Variants in PATL1 observed in about 807,000 individuals in gnomAD.
PATL1 encodes PAT1 homolog 1, processing body mRNA decay factor.
In PATL1, 32 loss-of-function variants were observed where a neutral mutation model predicts 100.6. The observed-to-expected ratio is 0.32, with a 90% CI of 0.24 to 0.43. The LOEUF is 0.43. PATL1 is among the 20% of genes least tolerant of loss of function. The pLI is 1.00. For synonymous variants in PATL1, 332 were observed against 330.0 expected (o/e 1.01, Z -0.07); for missense variants, 747 against 949.9 (o/e 0.79, Z 2.81).
Position 59,668,875 on chromosome 11 carries a change from G to A in PATL1, c.15+6C>T, listed in dbSNP as rs1418326850. 2.3e-6 allele frequency: 3 copies of A among 1,303,912 alleles called. No homozygotes were observed. The highest frequency in any genetic ancestry group is 3.1e-6 in the Non-Finnish European group (3 of 974,604). 80.8% of individuals were successfully genotyped at this position (1,303,912 alleles called of 1,614,324 possible). A position where few individuals can be genotyped will look rare whatever the true frequency, so the allele number is the denominator to read the frequency against. ...GGAGGGGTCACTTCCGGTCGCAACAGCTCACCTCGTAGCGGAACATTCTTG... is the reference window on the plus strand; with the variant it reads ...GGAGGGGTCACTTCCGGTCGCAACAACTCACCTCGTAGCGGAACATTCTTG... On this transcript the variant is annotated splice_donor_region_variant and intron_variant, in intron 1 of 18. Coordinates refer to ENST00000300146, the MANE Select transcript of PATL1 (RefSeq NM_152716.3).
In PATL1 at chr11:59,654,151, T is replaced by C. The variant is rs1861488027; in HGVS notation, c.1032-79A>G. 5.4e-5 allele frequency: 67 copies of C among 1,231,730 alleles called. 1 individual carries two copies. In the South Asian group the frequency reaches 7.8e-4, roughly 14 times the overall value. The allele number at this position is 1,231,730 out of a possible 1,614,324, so 76.3% of individuals were successfully genotyped here. A position where few individuals can be genotyped will look rare whatever the true frequency, so the allele number is the denominator to read the frequency against. ...TTTAAAGAATGTTGTCAGTAGAGGA[T>C]AACTTCATACAGGTTAACTTAAGGG... On this transcript the variant is annotated intron_variant, in intron 8 of 18. Coordinates refer to ENST00000300146, the MANE Select transcript of PATL1 (RefSeq NM_152716.3).
intron 12 of PATL1, 111 bp from the exon 13 acceptor site, chr11:59,650,924 C>A: frequency 1.3e-6 from 1 of 753,902 alleles, no homozygotes; most frequent in Non-Finnish European, 2.1e-6. Flanking sequence ...ATAATTGATT[C>A]TCTGAAAGTT....
chr11:59,639,315 T>C lies in PATL1; in HGVS notation c.2118A>G (p.Thr706=), dbSNP rs199964202. The C allele has an allele frequency of 8.4e-6, 13 of 1,551,920 alleles. No homozygotes were observed. Among genetic ancestry groups the C allele is most frequent in the Non-Finnish European group, 1.0e-5 (12 of 1,147,274 alleles). The change falls in exon 17 of 19, where the codon ACA becomes ACG. Residue 706 remains threonine (T), a synonymous_variant. Coordinates refer to ENST00000300146, the MANE Select transcript of PATL1 (RefSeq NM_152716.3). ...GEDLQSSDPA[T]ESTQNNQWTE... is the part of the protein sequence containing the mutation. ...ACCACTGATTATTTTGTGTTGATTCTGTAGCAGGGTCTGAACTCTGTAGGT... is the reference window on the plus strand; with the variant it reads ...ACCACTGATTATTTTGTGTTGATTCCGTAGCAGGGTCTGAACTCTGTAGGT...
chr11:59,655,866 A>C, intron 7 of PATL1, 90 bp downstream of exon 7: 1 of 1,339,260 alleles, frequency 7.5e-7, no homozygotes, highest in Non-Finnish European at 1.0e-6. Flanking sequence ...AAATAAAAGT[A>C]GTGATTAACA....
At chr11:59,650,390 G>C (rs1281719713) in intron 13 of PATL1, among the ~76,000 whole-genome samples, 3 of 152,168 alleles carry the variant, frequency 2.0e-5, no homozygotes, top group Admixed American at 6.5e-5. Context: ...ACCCAGAATA[G>C]TGCCCAGTAA....
intron 2 of PATL1, 97 bp from the exon 3 acceptor site, chr11:59,659,566 C>T: frequency 8.4e-7 from 1 of 1,190,304 alleles, no homozygotes; most frequent in Non-Finnish European, 1.2e-6. Context: ...GAGTCTCACT[C>T]TGTCGCCCAG....
intron 1 of PATL1, among the ~76,000 whole-genome samples, chr11:59,668,038 G>GC (rs1395352978): frequency 6.6e-6 from 1 of 152,208 alleles, no homozygotes; most frequent in Non-Finnish European, 1.5e-5. Flanking sequence ...CCAAACTCAT[G>GC]CCAATAGGCA....
rs1945649147 is a variant in PATL1 at position 59,639,124 on chromosome 11, T to C, written c.2215A>G (p.Ile739Val). ...PQAALAKPIS[I>V]PTNLVSLFSR... ...AAGAGGGACACTAGGTTTGTAGGTA[T>C]AGAGATTGGCTTGGCCAGGGCTGCT... The change falls in exon 18 of 19, where the codon ATA becomes GTA. Residue 739 changes from isoleucine (I) to valine (V), a missense_variant. Physicochemically the swap from Ile to Val is conservative, Grantham distance 29 (BLOSUM62 3). This residue lies in a region of PATL1 where 434 missense variants were observed against 596.1 expected (regional missense o/e 0.73). Transcript: ENST00000300146. The C allele has an allele frequency of 3.1e-6, 5 of 1,614,026 alleles. No homozygotes were observed. The highest frequency in any genetic ancestry group is 1.7e-5 in the Admixed American group (1 of 60,024).
chr11:59,668,060 C>T (rs1364418263), intron 1 of PATL1, among the ~76,000 whole-genome samples: 1 of 152,248 alleles, frequency 6.6e-6, no homozygotes. Context: ...GCCACTGCCT[C>T]CTTATCAGAG....
chr11:59,655,802 A>G, intron 7 of PATL1, 62 bp from the exon 8 acceptor site: 1 of 1,464,966 alleles, frequency 6.8e-7, no homozygotes, highest in Non-Finnish European at 9.3e-7. Context: ...TTTTGTCTAC[A>G]GAAAAGTGAA....
At chr11:59,648,335 G>A (rs745545945) in intron 14 of PATL1, among the ~76,000 whole-genome samples, 41 of 150,894 alleles carry the variant, frequency 2.7e-4, no homozygotes, top group Admixed American at 1.6e-3. Flanking sequence ...ATAGATGCCC[G>A]CCACCATGAC....
At chr11:59,667,165 A>G in intron 1 of PATL1, 1 of 817,800 alleles carries the variant, frequency 1.2e-6, no homozygotes, top group Non-Finnish European at 1.5e-6. Context: ...CTATTTCCTA[A>G]TCCTTATTTC....
At chr11:59,639,268 AGAG>A (rs538518588) in intron 17 of PATL1, 21 bp downstream of exon 17, 674 of 1,564,680 alleles carry the variant, frequency 4.3e-4, no homozygotes, top group Non-Finnish European at 5.7e-4. Flanking sequence ...ACTTAAAATA[AGAG>A]AAGAAACAGT....
At chr11:59,647,675 G>A in intron 15 of PATL1, 79 bp downstream of exon 15, 4 of 1,426,610 alleles carry the variant, frequency 2.8e-6, no homozygotes, top group Non-Finnish European at 3.9e-6. Flanking sequence ...GGGAAGAGGA[G>A]AGGAAAATAA....
chr11:59,668,831 A>AGAGGGGCGCGGGAGGGAGG, intron 1 of PATL1, 50 bp downstream of exon 1: 3 of 945,582 alleles, frequency 3.2e-6, no homozygotes, highest in Admixed American at 2.5e-5. Context: ...AGAGTGAGGG[A>AGAGGGGCGCGGGAGGGAGG]GAGGGGCGCG....
chr11:59,647,434 GTAAAT>G (rs1861380414), intron 15 of PATL1, among the ~76,000 whole-genome samples: 1 of 152,154 alleles, frequency 6.6e-6, no homozygotes, highest in Admixed American at 6.5e-5. Flanking sequence ...TAATCCTTCT[GTAAAT>G]TCTGATTCAG....
chr11:59,666,485 T>G (rs1193199987), intron 2 of PATL1, among the ~76,000 whole-genome samples: 1 of 152,226 alleles, frequency 6.6e-6, no homozygotes, highest in Non-Finnish European at 1.5e-5. Context: ...ACACTAGTTT[T>G]CCATAAGTTA....
At chr11:59,638,975 ACCCAGCCT>A in intron 18 of PATL1, 65 bp downstream of exon 18, 1 of 1,517,980 alleles carries the variant, frequency 6.6e-7, no homozygotes, top group East Asian at 2.3e-5. Context: ...GAGCCACCGT[ACCCAGCCT>A]CCCAACCATA....
rs757954347 is a variant in PATL1 at position 59,656,558 on chromosome 11, G to A, written c.664C>T (p.Pro222Ser). The change falls in exon 6 of 19, where the codon CCT becomes TCT. Residue 222 changes from proline (P) to serine (S), a missense_variant. This residue lies in a region of PATL1 where 127 missense variants were observed against 116.0 expected (regional missense o/e 1.09). Coordinates refer to ENST00000300146, the MANE Select transcript of PATL1 (RefSeq NM_152716.3). ...TCACCATAGGGAGCAGGATAACGAG[G>A]TGGCATTGGGGGCCGAACATGGACA... ...KPVHVRPPMPPRYPAPYGERM... is the reference protein window; with the variant it reads ...KPVHVRPPMPSRYPAPYGERM... The A allele has an allele frequency of 6.2e-7, 1 of 1,613,976 alleles. No individual in the cohort carries two copies. Among genetic ancestry groups the A allele is most frequent in the Non-Finnish European group, 8.5e-7 (1 of 1,179,886 alleles).
Sources: allele counts gnomAD v4.1 joint callset (sites outside exome capture counted in the v4.1 genomes callset), GRCh38; gene constraint gnomAD v4.1.1; regional missense constraint gnomAD v4.1.1; transcripts MANE v1.5; gene names NCBI Gene and HGNC (gene_info 2026-07-23, HGNC 2026-07-21).